The following ERP44 variants were observed in gnomAD, a reference collection of about 807,000 sequenced individuals.
ERP44 encodes endoplasmic reticulum resident protein 44.
Under a neutral mutation model 53.4 loss-of-function variants are expected in ERP44, and 25 were observed. The ratio of observed to expected loss-of-function variants is 0.47; its 90% CI spans 0.34 to 0.65. ERP44 has a LOEUF of 0.65. Ranked by LOEUF, ERP44 falls within the 30% of genes least tolerant of loss-of-function variation. The probability of loss-of-function intolerance (pLI) is 0.01; values close to 1 mark genes in which losing one functional copy is unlikely to be tolerated. For missense variants in ERP44, 338 were observed against 493.2 expected, an observed-to-expected ratio of 0.69 and a Z score of 2.98; for synonymous variants, 145 against 161.2, an observed-to-expected ratio of 0.90 and a Z score of 0.76.
intron 1 of ERP44, 129 bp downstream of exon 1, chr9:100,098,655 G>A (rs1826692370): frequency 1.4e-6 from 1 of 709,910 alleles, no homozygotes; most frequent in Admixed American, 2.8e-5. Flanking sequence ...AGGGCAGCGG[G>A]GGAGGGTGCA....
intron 4 of ERP44, among the ~76,000 whole-genome samples, chr9:100,043,439 T>C (rs1323793046): frequency 6.6e-6 from 1 of 151,782 alleles, no homozygotes; most frequent in Non-Finnish European, 1.5e-5. Flanking sequence ...ATGGATACCC[T>C]GATGTGACTA....
chr9:100,068,144 G>A (rs1338162717), intron 1 of ERP44, among the ~76,000 whole-genome samples: 7 of 146,084 alleles, frequency 4.8e-5, no homozygotes, highest in South Asian at 2.2e-4. Context: ...CTGCCCAGCC[G>A]CCCCAACTGG....
chr9:99,999,197 A>G, intron 10 of ERP44: 1 of 382,766 alleles, frequency 2.6e-6, no homozygotes, highest in Non-Finnish European at 4.3e-6. Flanking sequence ...CCCTCCGCTC[A>G]AGGCCGTCCT....
At chr9:100,005,747 A>C (rs904974965) in intron 10 of ERP44, among the ~76,000 whole-genome samples, 1 of 152,204 alleles carries the variant, frequency 6.6e-6, no homozygotes, top group East Asian at 1.9e-4. Context: ...GGGGTAATTC[A>C]TTCTGCCATA....
At chr9:100,066,132 T>C (rs1826207457) in intron 1 of ERP44, among the ~76,000 whole-genome samples, 2 of 152,322 alleles carry the variant, frequency 1.3e-5, no homozygotes, top group Admixed American at 6.5e-5. Flanking sequence ...AATACTGTTT[T>C]GGAAAGCAAT....
intron 4 of ERP44, among the ~76,000 whole-genome samples, chr9:100,033,994 T>C (rs987779073): frequency 7.2e-5 from 11 of 152,156 alleles, no homozygotes; most frequent in Admixed American, 7.2e-4. Context: ...AGGGAAAATA[T>C]GCCAGAGGCC....
At chr9:100,078,816 A>G (rs576234642) in intron 1 of ERP44, among the ~76,000 whole-genome samples, 1 of 152,232 alleles carries the variant, frequency 6.6e-6, no homozygotes, top group South Asian at 2.1e-4. Context: ...ATCACGTGAC[A>G]TGAGATTTAT....
At position 99,980,265 on chromosome 9, in the gene ERP44, AAAT is replaced by A; in HGVS notation, c.*2344_*2346del. The A allele has an allele frequency of 5.1e-6, 2 of 390,876 alleles. No individual in the cohort carries two copies. The highest frequency in any genetic ancestry group is 9.0e-6 in the Non-Finnish European group (2 of 221,452). 24.2% of individuals were successfully genotyped at this position (390,876 alleles called of 1,614,324 possible). A position where few individuals can be genotyped will look rare whatever the true frequency, so the allele number is the denominator to read the frequency against. ...TAGGCTGTGAACAACTCTAGGGCAG[AAAT>A]AATGCTTTATTCAGCTTTACATCTT... On this transcript the variant is annotated 3_prime_UTR_variant, in exon 12 of 12. Coordinates refer to ENST00000262455, the MANE Select transcript of ERP44 (RefSeq NM_015051.3).
chr9:100,051,448 G>A (rs1034243305), intron 4 of ERP44, among the ~76,000 whole-genome samples: 1 of 152,132 alleles, frequency 6.6e-6, no homozygotes, highest in East Asian at 1.9e-4. Flanking sequence ...TGAAGAATGG[G>A]AGACAGTTCT....
intron 6 of ERP44, among the ~76,000 whole-genome samples, 189 bp from the exon 7 acceptor site, chr9:100,018,502 T>C (rs931123758): frequency 6.6e-6 from 1 of 152,172 alleles, no homozygotes; most frequent in Non-Finnish European, 1.5e-5. Context: ...TAGTTAGTTG[T>C]TTTTGTGTTT....
intron 8 of ERP44, among the ~76,000 whole-genome samples, chr9:100,013,869 G>A (rs765982733): frequency 8.4e-4 from 127 of 152,074 alleles, no homozygotes; most frequent in Middle Eastern, 3.2e-3. Context: ...CATTATTCAC[G>A]GTAGTCAAAA....
At chr9:99,999,165 CG>C (rs1830350481) in intron 10 of ERP44, 17 of 542,608 alleles carry the variant, frequency 3.1e-5, no homozygotes, top group African/African-American at 1.8e-4. Context: ...CTCCGCCCCC[CG>C]ACCCTGTCCC....
intron 10 of ERP44, among the ~76,000 whole-genome samples, chr9:99,999,418 C>A (rs1207283490): frequency 1.3e-5 from 2 of 152,140 alleles, no homozygotes; most frequent in Non-Finnish European, 2.9e-5. Context: ...AGACACCATT[C>A]TAATATCTTT....
At chr9:100,011,074 T>C (rs10988943) in intron 8 of ERP44, among the ~76,000 whole-genome samples, 15,260 of 152,178 alleles carry the variant, frequency 0.1, 1,600 homozygotes, top group East Asian at 0.53. Flanking sequence ...TTTACTTCCT[T>C]AAAGTTTGAT....
intron 3 of ERP44, among the ~76,000 whole-genome samples, chr9:100,053,398 A>C (rs1826057372): frequency 6.6e-6 from 1 of 152,180 alleles, no homozygotes; most frequent in Non-Finnish European, 1.5e-5. Flanking sequence ...CAAGCCAAAC[A>C]TTTCACAAAT....
chr9:100,010,893 C>T (rs1830468529), intron 8 of ERP44, among the ~76,000 whole-genome samples: 1 of 130,658 alleles, frequency 7.7e-6, no homozygotes, highest in Non-Finnish European at 1.6e-5. Context: ...AAGAGCGAAA[C>T]TCCATCTCAA....
At chr9:100,089,713 T>C (rs1462248347) in intron 1 of ERP44, among the ~76,000 whole-genome samples, 1 of 152,090 alleles carries the variant, frequency 6.6e-6, no homozygotes, top group Non-Finnish European at 1.5e-5. Flanking sequence ...AGATCTAGAT[T>C]AAGAATAAAT....
intron 6 of ERP44, among the ~76,000 whole-genome samples, chr9:100,020,239 T>A (rs1830573273): frequency 6.6e-6 from 1 of 152,178 alleles, no homozygotes; most frequent in African/African-American, 2.4e-5. Context: ...TGGAGATGAA[T>A]GAAGACGATA....
Position 100,009,225 on chromosome 9 carries a change from T to G in ERP44, c.763-1536A>C, listed in dbSNP as rs1034675327. ...CTCCCGTGTTCAAACGATTCTCCTG[T>G]CTCAGCCTCCTGAGTAGCTGGGACA... On this transcript the variant is annotated intron_variant, in intron 8 of 11. Coordinates refer to ENST00000262455, the MANE Select transcript of ERP44 (RefSeq NM_015051.3). 2.0e-5 allele frequency among the ~76,000 whole-genome samples: 3 copies of G among 151,894 alleles called. No homozygotes were observed. The South Asian group carries it at 6.2e-4, about 32-fold the overall frequency.
Sources: gnomAD v4.1 joint callset for allele counts (sites outside exome capture counted in the v4.1 genomes callset) on GRCh38, gnomAD v4.1.1 for gene constraint, MANE v1.5 for transcripts, NCBI Gene and HGNC (gene_info 2026-07-23, HGNC 2026-07-21) for gene names.